LINGO2: variants seen among roughly 807,000 people sequenced by gnomAD.
LINGO2 encodes leucine-rich repeat and immunoglobulin-like domain-containing nogo receptor-interacting protein 2.
A neutral mutation model predicts 30.6 loss-of-function variants in LINGO2; 14 were observed. The ratio of observed to expected loss-of-function variants is 0.46; its 90% CI spans 0.30 to 0.72. LINGO2 has a LOEUF of 0.72. Among genes scored for constraint, LINGO2 ranks in the 30% least tolerant of loss-of-function variants. The pLI is 0.07. For synonymous variants in LINGO2, 317 were observed against 288.5 expected (o/e 1.10, Z -1.00); for missense variants, 729 against 751.7 (o/e 0.97, Z 0.35).
At chr9:28,731,606 C>T in the LINGO2 span, among the ~76,000 whole-genome samples, 2 of 152,222 alleles carry the variant, frequency 1.3e-5, no homozygotes, top group Admixed American at 6.5e-5. Flanking sequence ...TTGAGGGACA[C>T]GGGCTACTTG....
chr9:28,847,294 GA>G, the LINGO2 span, among the ~76,000 whole-genome samples: 1,106 of 147,972 alleles, frequency 7.5e-3, 119 homozygotes, highest in African/African-American at 0.025. Context: ...CACAATTTAA[GA>G]ATAAAAACCT....
chr9:28,070,130 A>T (rs1563957211), intron 4 of LINGO2, among the ~76,000 whole-genome samples: 1 of 152,078 alleles, frequency 6.6e-6, no homozygotes, highest in Non-Finnish European at 1.5e-5. Flanking sequence ...CCTCTAACTC[A>T]ATAAGAGTTA....
At chr9:29,131,026 T>C in the LINGO2 span, among the ~76,000 whole-genome samples, 1 of 152,172 alleles carries the variant, frequency 6.6e-6, no homozygotes, top group Non-Finnish European at 1.5e-5. Context: ...CTACCAACTT[T>C]CCTTGGTGTC....
At chr9:28,908,142 C>G in the LINGO2 span, among the ~76,000 whole-genome samples, 65 of 73,840 alleles carry the variant, frequency 8.8e-4, no homozygotes, top group Admixed American at 2.6e-3. Flanking sequence ...GGAAGCTATA[C>G]ACACACACAC....
At chr9:28,377,246 C>A (rs1324203084) in intron 2 of LINGO2, among the ~76,000 whole-genome samples, 2 of 152,278 alleles carry the variant, frequency 1.3e-5, no homozygotes, top group South Asian at 2.1e-4. Flanking sequence ...GCAAGACCAA[C>A]CCCTCCTCTT....
chr9:28,926,542 A>G, the LINGO2 span, among the ~76,000 whole-genome samples: 1 of 152,174 alleles, frequency 6.6e-6, no homozygotes, highest in Admixed American at 6.5e-5. Context: ...CAAAACAGAA[A>G]GGTTTAGAAT....
intron 3 of LINGO2, among the ~76,000 whole-genome samples, chr9:28,353,548 G>A (rs1820009488): frequency 6.6e-6 from 1 of 151,184 alleles, no homozygotes; most frequent in Non-Finnish European, 1.5e-5. Flanking sequence ...CTTTTACACT[G>A]TTGGTGGGAC....
At chr9:28,962,556 C>T in the LINGO2 span, among the ~76,000 whole-genome samples, 1 of 151,844 alleles carries the variant, frequency 6.6e-6, no homozygotes, top group East Asian at 1.9e-4. Context: ...TGTACTGGTA[C>T]ATAGCTAAAT....
the LINGO2 span, among the ~76,000 whole-genome samples, chr9:28,945,377 T>C: frequency 0.91 from 138,448 of 152,240 alleles, 63,123 homozygotes; most frequent in Non-Finnish European, 0.94. Flanking sequence ...GTTCTTCCAT[T>C]AACTTTTTAT....
chr9:28,521,854 G>A (rs1394132334), intron 1 of LINGO2, among the ~76,000 whole-genome samples: 1 of 152,124 alleles, frequency 6.6e-6, no homozygotes, highest in Non-Finnish European at 1.5e-5. Flanking sequence ...TACACACAGA[G>A]TAAAAACAGC....
intron 4 of LINGO2, among the ~76,000 whole-genome samples, chr9:28,290,532 A>T (rs1823685424): frequency 6.6e-6 from 1 of 152,208 alleles, no homozygotes; most frequent in South Asian, 2.1e-4. Context: ...TCGCCAAGGA[A>T]GAAGGCTTTA....
intron 1 of LINGO2, among the ~76,000 whole-genome samples, chr9:28,625,613 A>G (rs958571938): frequency 2.6e-5 from 4 of 152,124 alleles, no homozygotes; most frequent in African/African-American, 9.7e-5. Flanking sequence ...AATTTATATA[A>G]AAAAGTAATA....
intron 4 of LINGO2, among the ~76,000 whole-genome samples, chr9:28,199,760 C>A (rs888247797): frequency 6.6e-6 from 1 of 152,030 alleles, no homozygotes; most frequent in Non-Finnish European, 1.5e-5. Context: ...TATTCTGATA[C>A]TGATATTATA....
At chr9:28,798,072 G>A in the LINGO2 span, among the ~76,000 whole-genome samples, 62 of 152,206 alleles carry the variant, frequency 4.1e-4, 1 homozygote, top group African/African-American at 1.4e-3. Flanking sequence ...TTGGTTGAGC[G>A]TAAAGGTCAA....
At chr9:29,188,462 C>T in the LINGO2 span, among the ~76,000 whole-genome samples, 5 of 152,146 alleles carry the variant, frequency 3.3e-5, no homozygotes, top group African/African-American at 9.6e-5. Flanking sequence ...CAATCTTTTC[C>T]CCACCTTTCC....
chr9:28,996,901 A>C, the LINGO2 span, among the ~76,000 whole-genome samples: 2 of 152,186 alleles, frequency 1.3e-5, no homozygotes, highest in South Asian at 4.1e-4. Flanking sequence ...TTAAAATCTA[A>C]GTTTACTGAG....
At chr9:29,039,374 C>A in the LINGO2 span, among the ~76,000 whole-genome samples, 2 of 152,042 alleles carry the variant, frequency 1.3e-5, no homozygotes, top group East Asian at 3.9e-4. Flanking sequence ...CAAGAATGAG[C>A]AGGAAGCTTG....
intron 4 of LINGO2, among the ~76,000 whole-genome samples, chr9:28,061,384 C>T (rs1253918031): frequency 4.6e-5 from 7 of 151,626 alleles, no homozygotes; most frequent in Admixed American, 4.0e-4. Context: ...GCCTCAGTGG[C>T]AGGCTACTTT....
At chr9:28,517,193 A>C (rs1820652603) in intron 1 of LINGO2, among the ~76,000 whole-genome samples, 1 of 152,176 alleles carries the variant, frequency 6.6e-6, no homozygotes, top group Non-Finnish European at 1.5e-5. Flanking sequence ...AATGAGTATA[A>C]GTGGTGTGAC....
Sources: allele counts gnomAD v4.1 joint callset (sites outside exome capture counted in the v4.1 genomes callset), GRCh38; gene constraint gnomAD v4.1.1; transcripts MANE v1.5; gene names NCBI Gene and HGNC (gene_info 2026-07-23, HGNC 2026-07-21).